MAGI2: variants seen among roughly 807,000 people sequenced by gnomAD.
The protein encoded by MAGI2 is membrane associated guanylate kinase, WW and PDZ domain containing 2, also known as membrane-associated guanylate kinase, WW and PDZ domain-containing protein 2.
A neutral mutation model predicts 133.3 loss-of-function variants in MAGI2; 35 were observed. That is an observed-to-expected ratio of 0.26 (90% CI 0.20 to 0.35). The LOEUF (loss-of-function observed/expected upper bound fraction) is 0.35. Ranked by LOEUF, MAGI2 falls within the 10% of genes least tolerant of loss-of-function variation. The probability of loss-of-function intolerance (pLI) is 1.00; values close to 1 mark genes in which losing one functional copy is unlikely to be tolerated. For missense variants in MAGI2, 1,636 were observed against 1,863.4 expected, an observed-to-expected ratio of 0.88 and a Z score of 2.25; for synonymous variants, 729 against 710.6, an observed-to-expected ratio of 1.03 and a Z score of -0.41.
At chr7:78,811,059 G>A (rs555728664) in intron 2 of MAGI2, among the ~76,000 whole-genome samples, 72 of 151,978 alleles carry the variant, frequency 4.7e-4, no homozygotes, top group African/African-American at 1.7e-3. Context: ...CAATTAATGA[G>A]CTGAAAATCC....
chr7:78,947,574 T>A (rs1014833462), intron 2 of MAGI2, among the ~76,000 whole-genome samples: 2 of 152,124 alleles, frequency 1.3e-5, no homozygotes, highest in African/African-American at 4.8e-5. Context: ...ATGGTGTACT[T>A]CTATAGGCTG....
intron 1 of MAGI2, among the ~76,000 whole-genome samples, chr7:79,241,154 G>A (rs1001209419): frequency 5.3e-5 from 8 of 152,048 alleles, no homozygotes; most frequent in Non-Finnish European, 1.2e-4. Flanking sequence ...TCATTGTTAC[G>A]TGAGTGTGAT....
chr7:78,749,243 T>C (rs1055299856), intron 2 of MAGI2, among the ~76,000 whole-genome samples: 1 of 152,104 alleles, frequency 6.6e-6, no homozygotes, highest in African/African-American at 2.4e-5. Context: ...TTTACATACA[T>C]GGAGTTCAGG....
intron 1 of MAGI2, among the ~76,000 whole-genome samples, chr7:79,398,869 T>C (rs966545350): frequency 1.3e-5 from 2 of 152,106 alleles, no homozygotes; most frequent in Non-Finnish European, 2.9e-5. Flanking sequence ...AAAATACAGA[T>C]GTAAGGAGAT....
intron 2 of MAGI2, among the ~76,000 whole-genome samples, chr7:78,674,527 T>C (rs1257532094): frequency 6.6e-6 from 1 of 152,122 alleles, no homozygotes; most frequent in African/African-American, 2.4e-5. Flanking sequence ...ATGCTTCTAT[T>C]GGGCAAGTTA....
chr7:78,373,676 G>A (rs1021228467), intron 6 of MAGI2, among the ~76,000 whole-genome samples: 2 of 151,970 alleles, frequency 1.3e-5, no homozygotes, highest in Non-Finnish European at 2.9e-5. Context: ...TGAGGTTTGG[G>A]GTATGAATGA....
chr7:78,798,781 C>T (rs73702977), intron 2 of MAGI2, among the ~76,000 whole-genome samples: 2,094 of 152,258 alleles, frequency 0.014, 44 homozygotes, highest in African/African-American at 0.048. Flanking sequence ...GCTCTGCAAA[C>T]TTCCATGCTG....
At chr7:78,958,234 A>G (rs1275935987) in intron 2 of MAGI2, among the ~76,000 whole-genome samples, 1 of 152,010 alleles carries the variant, frequency 6.6e-6, no homozygotes, top group Non-Finnish European at 1.5e-5. Flanking sequence ...TCTATGCCAG[A>G]AAAAAAATTA....
chr7:78,049,160 A>G (rs983237875), intron 21 of MAGI2, among the ~76,000 whole-genome samples: 3 of 152,056 alleles, frequency 2.0e-5, no homozygotes, highest in South Asian at 4.2e-4. Flanking sequence ...CTTTCTTTTT[A>G]CCCTCAGACT....
rs556019044 is a variant in MAGI2 at position 78,998,767 on chromosome 7, C to T, written c.418+8323G>A. 6.6e-5 allele frequency among the ~76,000 whole-genome samples: 10 copies of T among 152,270 alleles called. No homozygotes were observed. In the East Asian group the frequency reaches 1.9e-3, roughly 29 times the overall value. ...CCCATAAGAACACTGTTATCCATTG[C>T]CATCTGTCTATTCCTTTCCTTCAGC... On this transcript the variant is annotated intron_variant, in intron 2 of 21. Transcript: ENST00000354212.
intron 1 of MAGI2, among the ~76,000 whole-genome samples, chr7:79,158,750 T>C (rs1824063634): frequency 1.3e-5 from 2 of 152,042 alleles, no homozygotes; most frequent in African/African-American, 4.8e-5. Context: ...ATTTAAATAT[T>C]TGCTATCATT....
At chr7:78,264,085 T>G (rs967541756) in intron 9 of MAGI2, among the ~76,000 whole-genome samples, 3 of 152,154 alleles carry the variant, frequency 2.0e-5, no homozygotes, top group Non-Finnish European at 4.4e-5. Context: ...CCTGATAGCG[T>G]GATTCTTCAA....
chr7:79,407,001 A>G (rs1214752167), intron 1 of MAGI2, among the ~76,000 whole-genome samples: 3 of 152,234 alleles, frequency 2.0e-5, no homozygotes, highest in East Asian at 3.9e-4. Context: ...CCCCTCCCCT[A>G]TGTCACAGTA....
At chr7:78,918,957 G>T (rs1799008519) in intron 2 of MAGI2, among the ~76,000 whole-genome samples, 1 of 152,020 alleles carries the variant, frequency 6.6e-6, no homozygotes, top group Admixed American at 6.6e-5. Flanking sequence ...AGTGAATTCT[G>T]GGATTATACA....
chr7:78,074,913 G>A (rs576457671), intron 21 of MAGI2, among the ~76,000 whole-genome samples: 10 of 152,220 alleles, frequency 6.6e-5, no homozygotes, highest in Non-Finnish European at 8.8e-5. Flanking sequence ...GAGCAGGCCT[G>A]AGACTGCTCT....
chr7:78,789,574 A>C (rs944632739), intron 2 of MAGI2, among the ~76,000 whole-genome samples: 1 of 151,886 alleles, frequency 6.6e-6, no homozygotes, highest in Non-Finnish European at 1.5e-5. Context: ...TGTAAGTTTG[A>C]TGGATACATA....
chr7:78,585,298 T>G (rs949907712), intron 3 of MAGI2, among the ~76,000 whole-genome samples: 1 of 152,154 alleles, frequency 6.6e-6, no homozygotes, highest in Non-Finnish European at 1.5e-5. Context: ...ACCGGTAACT[T>G]CACTTTGGTA....
intron 2 of MAGI2, among the ~76,000 whole-genome samples, chr7:78,838,183 G>A (rs1045983350): frequency 3.9e-5 from 6 of 152,070 alleles, no homozygotes; most frequent in Non-Finnish European, 2.9e-5. Context: ...AGACTAACAC[G>A]TCAACCTTTA....
intron 5 of MAGI2, among the ~76,000 whole-genome samples, chr7:78,496,744 G>A (rs1794119429): frequency 6.6e-6 from 1 of 152,116 alleles, no homozygotes; most frequent in Non-Finnish European, 1.5e-5. Flanking sequence ...CACTTTATAG[G>A]GTGGTGATGA....
Sources: allele counts gnomAD v4.1 joint callset (sites outside exome capture counted in the v4.1 genomes callset), GRCh38; gene constraint gnomAD v4.1.1; transcripts MANE v1.5; gene names NCBI Gene and HGNC (gene_info 2026-07-23, HGNC 2026-07-21).